The following MINAR1 variants were observed in gnomAD, a reference collection of about 807,000 sequenced individuals.
MINAR1 encodes membrane integral NOTCH2 associated receptor 1, also known as major intrinsically disordered Notch2-binding receptor 1.
MINAR1 carries 40 observed loss-of-function variants against 65.1 expected under a neutral mutation model. The ratio of observed to expected loss-of-function variants is 0.61; its 90% CI spans 0.48 to 0.80. MINAR1 has a LOEUF of 0.80. Among genes scored for constraint, MINAR1 ranks in the 30% least tolerant of loss-of-function variants. MINAR1 has a pLI of 0.00. For synonymous variants in MINAR1, 482 were observed against 449.1 expected, an observed-to-expected ratio of 1.07 and a Z score of -0.93; for missense variants, 1,128 against 1,148.0, an observed-to-expected ratio of 0.98 and a Z score of 0.25.
chr15:79,435,041 G>A (rs959239004), intron 1 of MINAR1, among the ~76,000 whole-genome samples: 1 of 152,214 alleles, frequency 6.6e-6, no homozygotes, highest in Non-Finnish European at 1.5e-5. Flanking sequence ...TTAGGAGGCC[G>A]AAGCGGGTGG....
rs779608369 is a variant in MINAR1, at chr15:79,457,049, A to G, written c.902A>G (p.Asn301Ser). 1.2e-6 allele frequency: 2 copies of G among 1,614,074 alleles called. No homozygotes were observed. Among genetic ancestry groups the G allele is most frequent in the South Asian group, 1.1e-5 (1 of 91,066 alleles). ...RKEPHKPPFF[N>S]HSFEMPYNSQ... is the part of the protein sequence containing the mutation. ...GAACCCCACAAGCCACCCTTCTTCA[A>G]CCACAGCTTTGAAATGCCCTATAAC... The change falls in exon 2 of 4, where the codon AAC becomes AGC. Residue 301 changes from asparagine to serine, a missense_variant. Asn to Ser is a conservative substitution (Grantham distance 46, BLOSUM62 1). Coordinates refer to ENST00000305428, the MANE Select transcript of MINAR1 (RefSeq NM_015206.3).
intron 1 of MINAR1, among the ~76,000 whole-genome samples, chr15:79,453,936 T>A (rs1321899351): frequency 1.3e-5 from 2 of 152,192 alleles, no homozygotes. Context: ...TGGGATTAGC[T>A]TGGAAGTCCT....
At chr15:79,420,505 G>C in the MINAR1 span, 1 of 152,338 alleles carries the variant, frequency 6.6e-6, no homozygotes, top group African/African-American at 2.4e-5. Context: ...TCCCTCTAGA[G>C]ATACCAGGCT....
intron 1 of MINAR1, among the ~76,000 whole-genome samples, chr15:79,436,478 G>A (rs1894602664): frequency 6.6e-6 from 1 of 152,218 alleles, no homozygotes. Flanking sequence ...TGATTTCATA[G>A]TTTAGAGAGA....
At chr15:79,453,157 C>T (rs994316646) in intron 1 of MINAR1, among the ~76,000 whole-genome samples, 1 of 152,114 alleles carries the variant, frequency 6.6e-6, no homozygotes, top group African/African-American at 2.4e-5. Flanking sequence ...GGGGAATGTC[C>T]GTGCCCCCCT....
At chr15:79,437,648 T>TG (rs1894644651) in intron 1 of MINAR1, among the ~76,000 whole-genome samples, 1 of 108,238 alleles carries the variant, frequency 9.2e-6, no homozygotes, top group African/African-American at 3.4e-5. Context: ...AGTGAGGGTG[T>TG]GGGTGTGTGT....
intron 3 of MINAR1, 89 bp from the exon 4 acceptor site, chr15:79,468,093 CAACTT>C (rs1895939623): frequency 3.1e-6 from 3 of 980,884 alleles, no homozygotes; most frequent in African/African-American, 3.2e-5. Context: ...CAGCTGCAGA[CAACTT>C]AAGTGCTTCA....
At chr15:79,434,383 C>T (rs1203430923) in intron 1 of MINAR1, among the ~76,000 whole-genome samples, 3 of 152,208 alleles carry the variant, frequency 2.0e-5, no homozygotes, top group East Asian at 3.8e-4. Context: ...CTGAAACAGT[C>T]GTGCTCCTGT....
chr15:79,435,716 G>A (rs1218916548), intron 1 of MINAR1, among the ~76,000 whole-genome samples: 1 of 152,196 alleles, frequency 6.6e-6, no homozygotes, highest in Non-Finnish European at 1.5e-5. Context: ...ACACTATGGT[G>A]GAAATCTTAG....
chr15:79,452,358 G>A (rs1895237940), intron 1 of MINAR1, among the ~76,000 whole-genome samples: 1 of 152,036 alleles, frequency 6.6e-6, no homozygotes, highest in African/African-American at 2.4e-5. Context: ...GTGTGAGTGT[G>A]TCTGGGTATA....
chr15:79,437,031 T>C (rs1483758113), intron 1 of MINAR1, among the ~76,000 whole-genome samples: 1 of 152,194 alleles, frequency 6.6e-6, no homozygotes, highest in East Asian at 1.9e-4. Context: ...ACTGGGATCT[T>C]GAGGAGAGAA....
At chr15:79,463,443 C>T (rs567318752) in intron 3 of MINAR1, 122 bp downstream of exon 3, 3 of 1,130,278 alleles carry the variant, frequency 2.7e-6, no homozygotes, top group Middle Eastern at 2.7e-4. Context: ...TCCCTGGGCC[C>T]CCAACATGGA....
At chr15:79,463,545 CTTGA>C in intron 3 of MINAR1, 1 of 659,184 alleles carries the variant, frequency 1.5e-6, no homozygotes, top group Non-Finnish European at 2.8e-6. Flanking sequence ...AGTAGGAATG[CTTGA>C]TTGATTTATG....
At chr15:79,412,332 C>T in the MINAR1 span, 2 of 152,342 alleles carry the variant, frequency 1.3e-5, no homozygotes, top group Non-Finnish European at 2.9e-5. Flanking sequence ...TGAACTCAGC[C>T]TCCTCCTCCC....
chr15:79,453,352 C>G (rs1895302467), intron 1 of MINAR1, among the ~76,000 whole-genome samples: 1 of 152,060 alleles, frequency 6.6e-6, no homozygotes. Context: ...CACTTGGGCC[C>G]CTAACCCCAT....
chr15:79,428,340 C>T (rs1269195095), upstream of MINAR1, among the ~76,000 whole-genome samples: 4 of 104,400 alleles, frequency 3.8e-5, no homozygotes, highest in Admixed American at 1.9e-4. Context: ...CTCTACCTCC[C>T]CCATCCCTCC....
intron 3 of MINAR1, 31 bp from the exon 4 acceptor site, chr15:79,468,155 CT>C: frequency 6.4e-7 from 1 of 1,570,630 alleles, no homozygotes; most frequent in Non-Finnish European, 8.7e-7. Flanking sequence ...CAAGTATTCA[CT>C]GTATTTCTAA....
chr15:79,420,860 T>C, the MINAR1 span: 1 of 152,352 alleles, frequency 6.6e-6, no homozygotes, highest in African/African-American at 2.4e-5. Flanking sequence ...ATGTTGTGGT[T>C]TTTTGCTCTT....
intron 1 of MINAR1, among the ~76,000 whole-genome samples, chr15:79,444,396 T>G (rs910638220): frequency 2.6e-5 from 4 of 152,312 alleles, no homozygotes; most frequent in Middle Eastern, 3.4e-3. Context: ...TCATTTAGGT[T>G]TCATTGATGG....
Sources: allele counts gnomAD v4.1 joint callset (sites outside exome capture counted in the v4.1 genomes callset), GRCh38; gene constraint gnomAD v4.1.1; transcripts MANE v1.5; gene names NCBI Gene and HGNC (gene_info 2026-07-23, HGNC 2026-07-21).